Variants in SBF2 observed in about 807,000 individuals in gnomAD.
SBF2 encodes the protein myotubularin-related protein 13.
A neutral mutation model predicts 225.2 loss-of-function variants in SBF2; 112 were observed. The observed-to-expected ratio is 0.50, with a 90% CI of 0.43 to 0.58. The LOEUF is 0.58. Among genes scored for constraint, SBF2 ranks in the 20% least tolerant of loss-of-function variants. The pLI is 0.00. For missense variants in SBF2, 1,996 were observed against 2,206.2 expected (o/e 0.90, Z 1.91); for synonymous variants, 763 against 773.3 (o/e 0.99, Z 0.22).
chr11:10,187,204 G>C (rs1382178926), intron 2 of SBF2, among the ~76,000 whole-genome samples: 1 of 152,074 alleles, frequency 6.6e-6, no homozygotes, highest in East Asian at 1.9e-4. Flanking sequence ...TGCTGCCTAA[G>C]AAGACCCTGA....
At chr11:9,994,141 T>C in intron 9 of SBF2, 143 bp from the exon 10 acceptor site, 1 of 722,520 alleles carries the variant, frequency 1.4e-6, no homozygotes, top group East Asian at 2.8e-5. Flanking sequence ...TAGTTCTATA[T>C]GTACTATTGT....
At chr11:10,086,117 G>C (rs2134889772) in intron 2 of SBF2, among the ~76,000 whole-genome samples, 1 of 151,876 alleles carries the variant, frequency 6.6e-6, no homozygotes, top group East Asian at 1.9e-4. Context: ...TTCTGGTTAA[G>C]TTCTATCATC....
At chr11:10,292,093 C>A (rs945276657) in intron 1 of SBF2, among the ~76,000 whole-genome samples, 4 of 152,192 alleles carry the variant, frequency 2.6e-5, no homozygotes, top group Non-Finnish European at 1.5e-5. Flanking sequence ...AGAGACATAA[C>A]ATGAATGCAA....
intron 16 of SBF2, among the ~76,000 whole-genome samples, chr11:9,897,557 C>G (rs544715948): frequency 6.6e-6 from 1 of 152,288 alleles, no homozygotes; most frequent in African/African-American, 2.4e-5. Context: ...CTTCCTCTGT[C>G]TAGCAGTGGG....
intron 17 of SBF2, among the ~76,000 whole-genome samples, chr11:9,877,495 C>T (rs1372512458): frequency 1.3e-5 from 2 of 152,150 alleles, no homozygotes; most frequent in Non-Finnish European, 2.9e-5. Flanking sequence ...TTGCTGCACC[C>T]ATCAACTCGT....
intron 16 of SBF2, among the ~76,000 whole-genome samples, chr11:9,945,884 C>T (rs1311795111): frequency 2.6e-5 from 4 of 151,960 alleles, no homozygotes; most frequent in African/African-American, 9.7e-5. Flanking sequence ...CAATGAGATA[C>T]CATCTCACAC....
intron 1 of SBF2, among the ~76,000 whole-genome samples, chr11:10,293,758 G>A (rs1964323633): frequency 6.6e-6 from 1 of 152,178 alleles, no homozygotes; most frequent in Admixed American, 6.5e-5. Context: ...ACCCCAACTC[G>A]CCTCCGGCCC....
chr11:10,171,919 A>G (rs1287681070), intron 2 of SBF2, among the ~76,000 whole-genome samples: 1 of 152,124 alleles, frequency 6.6e-6, no homozygotes, highest in Admixed American at 6.5e-5. Context: ...CAGGTTTTCC[A>G]ATTTATTGAC....
intron 1 of SBF2, among the ~76,000 whole-genome samples, chr11:10,250,020 T>C (rs1960196107): frequency 6.6e-6 from 1 of 152,092 alleles, no homozygotes; most frequent in Non-Finnish European, 1.5e-5. Context: ...AATATTAATA[T>C]ATGCTCCAAA....
intron 2 of SBF2, among the ~76,000 whole-genome samples, chr11:10,152,717 A>G (rs1168057885): frequency 6.6e-6 from 1 of 152,226 alleles, no homozygotes; most frequent in Non-Finnish European, 1.5e-5. Context: ...TGTCACCCAA[A>G]GTCAAAGTAT....
chr11:9,850,114 A>AT lies in SBF2; in HGVS notation c.2714_2715insA (p.Leu906SerfsTer28). The stretch of plus-strand genomic sequence containing the variant: ...CTGGCAGGAGCTGAGGGCCTCCAAG[A>AT]AGACCTCCAGTAGCTTCTTCTCTTC... On this transcript the variant is annotated frameshift_variant, in exon 22 of 40. Transcript: ENST00000256190. LOFTEE classifies it high-confidence loss of function. The AT allele has an allele frequency of 6.2e-7, 1 of 1,614,178 alleles. No individual in the cohort carries two copies. Among genetic ancestry groups the AT allele is most frequent in the Middle Eastern group, 1.7e-4 (1 of 6,052 alleles).
chr11:9,936,315 G>A (rs1213309877), intron 16 of SBF2, among the ~76,000 whole-genome samples: 1 of 152,202 alleles, frequency 6.6e-6, no homozygotes, highest in Non-Finnish European at 1.5e-5. Context: ...AGATGCTGGA[G>A]CGGATGTGGA....
chr11:10,215,061 G>A (rs1356008684), intron 1 of SBF2, among the ~76,000 whole-genome samples: 7 of 152,164 alleles, frequency 4.6e-5, no homozygotes, highest in Non-Finnish European at 2.9e-5. Flanking sequence ...AGCTCCTGTA[G>A]AAGCTACAGA....
intron 25 of SBF2, 66 bp downstream of exon 25, chr11:9,842,559 A>C: frequency 6.5e-7 from 1 of 1,540,700 alleles, no homozygotes; most frequent in African/African-American, 1.4e-5. Flanking sequence ...GTGCAACTAC[A>C]TCTGAGTCTC....
intron 28 of SBF2, among the ~76,000 whole-genome samples, chr11:9,822,922 CT>C (rs1854858131): frequency 6.6e-6 from 1 of 152,178 alleles, no homozygotes; most frequent in Non-Finnish European, 1.5e-5. Context: ...GCTATGCAGC[CT>C]TGGCCAAGTC....
intron 32 of SBF2, among the ~76,000 whole-genome samples, chr11:9,797,011 A>G (rs1210212370): frequency 6.6e-6 from 1 of 152,168 alleles, no homozygotes; most frequent in Non-Finnish European, 1.5e-5. Context: ...TGCTCAAACA[A>G]TCTCTCATGA....
At chr11:10,139,429 T>C (rs867747239) in intron 2 of SBF2, among the ~76,000 whole-genome samples, 21 of 152,196 alleles carry the variant, frequency 1.4e-4, no homozygotes, top group African/African-American at 3.9e-4. Context: ...TATATGAGGC[T>C]ATTGAACACT....
At chr11:9,993,787 C>A in intron 10 of SBF2, 134 bp downstream of exon 10, 1 of 881,170 alleles carries the variant, frequency 1.1e-6, no homozygotes, top group Non-Finnish European at 1.7e-6. Flanking sequence ...CGGCAAGTAT[C>A]CTAATTTCTA....
At chr11:10,251,754 T>C (rs895936983) in intron 1 of SBF2, among the ~76,000 whole-genome samples, 2 of 152,218 alleles carry the variant, frequency 1.3e-5, no homozygotes, top group African/African-American at 4.8e-5. Flanking sequence ...GAATGTCAAA[T>C]GGTCTCTCTT....
Sources: allele counts gnomAD v4.1 joint callset (sites outside exome capture counted in the v4.1 genomes callset), GRCh38; gene constraint gnomAD v4.1.1; transcripts MANE v1.5; gene names NCBI Gene and HGNC (gene_info 2026-07-23, HGNC 2026-07-21).